LRIG1: variants seen among roughly 807,000 people sequenced by gnomAD.
LRIG1 encodes the protein leucine-rich repeats and immunoglobulin-like domains protein 1.
In LRIG1, 48 loss-of-function variants were observed where a neutral mutation model predicts 99.2. The observed-to-expected ratio is 0.48, with a 90% CI of 0.38 to 0.62. LRIG1 has a LOEUF of 0.62. Among genes scored for constraint, LRIG1 ranks in the 20% least tolerant of loss-of-function variants. The pLI is 0.00. For synonymous variants in LRIG1, 772 were observed against 596.1 expected (o/e 1.29, Z -4.30); for missense variants, 1,646 against 1,434.4 (o/e 1.15, Z -2.38).
intron 3 of LRIG1, among the ~76,000 whole-genome samples, chr3:66,418,862 G>A (rs1246633631): frequency 6.6e-6 from 1 of 151,752 alleles, no homozygotes; most frequent in African/African-American, 2.4e-5. Context: ...ATTTCCAAGG[G>A]TGCAACTCTG....
In LRIG1 at chr3:66,380,781, G is replaced by A. The variant is rs1701003233; in HGVS notation, c.2851C>T (p.Pro951Ser). ...YSRGQAFHPQ[P>S]VSRDSAQPSA... is the part of the protein sequence containing the mutation. ...GGCTGTGCGCTGTCTCTGGACACAG[G>A]CTGGGGGTGGAAGGCTTGTCCCCTG... Residue 951 changes from proline (P) to serine (S), a missense_variant, in exon 18 of 19, where the codon CCT becomes TCT. Pro to Ser is a moderately conservative substitution (Grantham distance 74). Coordinates refer to ENST00000273261, the MANE Select transcript of LRIG1 (RefSeq NM_015541.3). 4 of 1,614,194 alleles carry A rather than the reference G, an allele frequency of 2.5e-6. No individual in the cohort carries two copies. Among genetic ancestry groups the A allele is most frequent in the Non-Finnish European group, 3.4e-6 (4 of 1,180,036 alleles).
intron 1 of LRIG1, among the ~76,000 whole-genome samples, chr3:66,485,768 T>C (rs961132670): frequency 2.6e-5 from 4 of 152,070 alleles, no homozygotes; most frequent in African/African-American, 4.8e-5. Context: ...CCACCCCCTT[T>C]ACCAAACAGG....
intron 1 of LRIG1, among the ~76,000 whole-genome samples, chr3:66,471,786 GT>G (rs1390093139): frequency 6.6e-6 from 1 of 152,180 alleles, no homozygotes; most frequent in African/African-American, 2.4e-5. Flanking sequence ...CATTAACCTG[GT>G]GGATACATTT....
At chr3:66,485,055 G>A (rs1575728748) in intron 1 of LRIG1, among the ~76,000 whole-genome samples, 1 of 151,742 alleles carries the variant, frequency 6.6e-6, no homozygotes, top group East Asian at 1.9e-4. Context: ...CTGCTCAGGA[G>A]GCTGAGGTGG....
chr3:66,419,738 A>T (rs571414128), intron 3 of LRIG1, among the ~76,000 whole-genome samples: 2 of 151,986 alleles, frequency 1.3e-5, no homozygotes, highest in East Asian at 3.9e-4. Flanking sequence ...ATTAGGTCCT[A>T]CCCACCCTAC....
intron 1 of LRIG1, among the ~76,000 whole-genome samples, chr3:66,484,201 G>C (rs759876511): frequency 1.1e-4 from 16 of 152,156 alleles, no homozygotes; most frequent in Non-Finnish European, 1.9e-4. Flanking sequence ...TGGGAGGTCT[G>C]AATTATTCTA....
chr3:66,404,612 C>T (rs1038796667), intron 9 of LRIG1, among the ~76,000 whole-genome samples: 1 of 152,128 alleles, frequency 6.6e-6, no homozygotes, highest in South Asian at 2.1e-4. Context: ...AAAGAGGTTG[C>T]CTAACAGAGC....
At chr3:66,401,576 T>C in intron 9 of LRIG1, 2 of 1,410,086 alleles carry the variant, frequency 1.4e-6, no homozygotes, top group Non-Finnish European at 1.9e-6. Context: ...CAGGGGCTAA[T>C]CATCTTGTTG....
chr3:66,393,775 C>CTGTAACTGATTATTCTGATT (rs1441095529), intron 12 of LRIG1, among the ~76,000 whole-genome samples: 5 of 152,222 alleles, frequency 3.3e-5, no homozygotes, highest in Non-Finnish European at 7.3e-5. Flanking sequence ...AACTATCTTC[C>CTGTAACTGATTATTCTGATT]TGTAACTGAT....
chr3:66,384,108 G>C lies in LRIG1; in HGVS notation c.1954C>G (p.Pro652Ala). The change falls in exon 14 of 19, where the codon CCG becomes GCG. Residue 652 changes from proline (P) to alanine (A), a missense_variant. Pro to Ala is a conservative substitution (Grantham distance 27). Transcript: ENST00000273261. The stretch of plus-strand genomic sequence containing the variant: ...GTGATGAAAAACACGTCGTCATCCG[G>C]CATGACATGCATGCGTCGCTCACGG... The part of the protein sequence containing the change: ...AARERRMHVM[P>A]DDDVFFITDV... The C allele has an allele frequency of 5.0e-6, 8 of 1,614,158 alleles. No individual in the cohort carries two copies. Among genetic ancestry groups the C allele is most frequent in the Non-Finnish European group, 6.8e-6 (8 of 1,180,038 alleles).
chr3:66,478,800 T>C (rs902470031), intron 1 of LRIG1, among the ~76,000 whole-genome samples: 1 of 152,014 alleles, frequency 6.6e-6, no homozygotes, highest in South Asian at 2.1e-4. Flanking sequence ...CTCCTGTCAG[T>C]TCATCTAGAA....
chr3:66,387,835 C>A (rs765464070), intron 12 of LRIG1: 1 of 151,506 alleles, frequency 6.6e-6, no homozygotes, highest in Non-Finnish European at 1.5e-5. Flanking sequence ...GGGTGGCTCA[C>A]GCCTATAATC....
intron 3 of LRIG1, among the ~76,000 whole-genome samples, chr3:66,450,486 A>AC (rs891544225): frequency 2.0e-5 from 3 of 151,206 alleles, no homozygotes; most frequent in African/African-American, 7.3e-5. Context: ...TGCAATTCTA[A>AC]CCCCCCACGC....
intron 2 of LRIG1, among the ~76,000 whole-genome samples, chr3:66,451,963 CT>C (rs1398493506): frequency 1.3e-5 from 2 of 152,178 alleles, no homozygotes; most frequent in African/African-American, 4.8e-5. Flanking sequence ...AAAAGCGCCC[CT>C]AAGACCATCG....
intron 3 of LRIG1, among the ~76,000 whole-genome samples, chr3:66,431,307 G>A (rs1409687728): frequency 6.6e-6 from 1 of 152,224 alleles, no homozygotes; most frequent in Non-Finnish European, 1.5e-5. Context: ...CAGGGGCTGA[G>A]CAACTGTTTC....
intron 9 of LRIG1, among the ~76,000 whole-genome samples, chr3:66,402,120 C>T (rs1382780400): frequency 6.6e-6 from 1 of 152,172 alleles, no homozygotes; most frequent in African/African-American, 2.4e-5. Flanking sequence ...GACTCTGCCC[C>T]TCCCTCCGAG....
intron 11 of LRIG1, among the ~76,000 whole-genome samples, chr3:66,396,989 G>A (rs1701874972): frequency 6.6e-6 from 1 of 152,192 alleles, no homozygotes; most frequent in Non-Finnish European, 1.5e-5. Flanking sequence ...CCCGACAGAT[G>A]GAGGCAGAGC....
rs751262490 is a variant in LRIG1 at position 66,500,326 on chromosome 3, G to A, written c.82C>T (p.Leu28=). The A allele has an allele frequency of 2.7e-6, 4 of 1,494,110 alleles. No individual in the cohort carries two copies. The highest frequency in any genetic ancestry group is 2.7e-6 in the Non-Finnish European group (3 of 1,127,518). 92.6% of individuals were successfully genotyped at this position (1,494,110 alleles called of 1,614,324 possible). A position where few individuals can be genotyped will look rare whatever the true frequency, so the allele number is the denominator to read the frequency against. Reference sequence around the variant, plus strand: ...CCGGCCGCGGCGGTCACCGGCTCCAGCCGAAGCAAAAGCAGCCAGAGAAGG... The same window carrying A: ...CCGGCCGCGGCGGTCACCGGCTCCAACCGAAGCAAAAGCAGCCAGAGAAGG... The part of the protein sequence containing the change: ...LLLLWLLLLR[L]EPVTAAAGPR... Residue 28 remains leucine, a synonymous_variant, in exon 1 of 19, where the codon CTG becomes TTG. Transcript: ENST00000273261.
At chr3:66,482,798 A>C (rs1700881078) in intron 1 of LRIG1, among the ~76,000 whole-genome samples, 1 of 152,228 alleles carries the variant, frequency 6.6e-6, no homozygotes, top group Admixed American at 6.5e-5. Context: ...ATATTAAAGC[A>C]CATTTTAAAA....
Sources: allele counts gnomAD v4.1 joint callset (sites outside exome capture counted in the v4.1 genomes callset), GRCh38; gene constraint gnomAD v4.1.1; transcripts MANE v1.5; gene names NCBI Gene and HGNC (gene_info 2026-07-23, HGNC 2026-07-21).